Variants in CELF1 observed in about 807,000 individuals in gnomAD.
CELF1 encodes CUGBP Elav-like family member 1, also known as 50 kDa nuclear polyadenylated RNA-binding protein.
Under a neutral mutation model 61.8 loss-of-function variants are expected in CELF1, and 10 were observed. The ratio of observed to expected loss-of-function variants is 0.16; its 90% CI spans 0.10 to 0.27. CELF1 has a LOEUF of 0.27. Ranked by LOEUF, CELF1 falls within the 10% of genes least tolerant of loss-of-function variation. CELF1 has a pLI of 1.00. For synonymous variants in CELF1, 236 were observed against 225.1 expected, an observed-to-expected ratio of 1.05 and a Z score of -0.43; for missense variants, 380 against 639.1, an observed-to-expected ratio of 0.59 and a Z score of 4.37.
rs2077404281 is a variant in CELF1 at position 47,470,299 on chromosome 11, GTTTTC to G, written c.*1926_*1930del. ...TAGCATTTTTTTCTTTTTTTTTTTTGTTTTCTTTTTTCTTTTTTATTTTTATTTTT... is the reference window on the plus strand; with the variant it reads ...TAGCATTTTTTTCTTTTTTTTTTTTGTTTTTTCTTTTTTATTTTTATTTTT... On this transcript the variant is annotated 3_prime_UTR_variant, in exon 15 of 15. Coordinates refer to ENST00000687097, the MANE Select transcript of CELF1 (RefSeq NM_001376376.1). 8 of 135,950 alleles carry G rather than the reference GTTTTC, an allele frequency of 5.9e-5. No homozygotes were observed. Among genetic ancestry groups the G allele is most frequent in the Admixed American group, 1.5e-4 (2 of 13,506 alleles). The allele number at this position is 135,950 out of a possible 1,614,324, so 8.4% of individuals were successfully genotyped here.
At position 47,515,943 on chromosome 11, in the gene CELF1, G is replaced by A. The variant is rs1315992015; in HGVS notation, c.-153-15011C>T. 2.6e-5 allele frequency among the ~76,000 whole-genome samples: 4 copies of A among 151,892 alleles called. No homozygotes were observed. The East Asian group carries it at 7.7e-4, about 29-fold the overall frequency. Reference sequence around the variant, plus strand: ...ACTTATTTATTTTTTTTTAGATAGAGTCTTGCTCTGTCACCCAGGCTAGAG... The same window carrying A: ...ACTTATTTATTTTTTTTTAGATAGAATCTTGCTCTGTCACCCAGGCTAGAG... On this transcript the variant is annotated intron_variant, in intron 1 of 14. Coordinates refer to ENST00000687097, the MANE Select transcript of CELF1 (RefSeq NM_001376376.1).
chr11:47,477,544 A>G lies in CELF1; in HGVS notation c.845-119T>C, dbSNP rs2080821610. 3 of 1,006,060 alleles carry G rather than the reference A, an allele frequency of 3.0e-6. No individual in the cohort carries two copies. In the Admixed American group the frequency reaches 7.4e-5, roughly 25 times the overall value. 62.3% of individuals were successfully genotyped at this position (1,006,060 alleles called of 1,614,324 possible). A position where few individuals can be genotyped will look rare whatever the true frequency, so the allele number is the denominator to read the frequency against. ...CTGACAAAGAGGAACTGTTCTAGAT[A>G]AGCCTTACAAACAACATTACAGGGC... On this transcript the variant is annotated intron_variant, in intron 10 of 14. Transcript: ENST00000687097.
At chr11:47,513,085 A>G (rs139689864) in intron 1 of CELF1, among the ~76,000 whole-genome samples, 3,225 of 152,380 alleles carry the variant, frequency 0.021, 44 homozygotes, top group Non-Finnish European at 0.033. Context: ...AGATTAATCT[A>G]GACTAACACT....
At chr11:47,475,921 C>T (rs952155701) in intron 12 of CELF1, among the ~76,000 whole-genome samples, 8 of 152,150 alleles carry the variant, frequency 5.3e-5, no homozygotes, top group African/African-American at 1.4e-4. Flanking sequence ...AAAACAGCAA[C>T]TAACAGGTAC....
At chr11:47,544,020 T>C (rs532713160) in intron 1 of CELF1, among the ~76,000 whole-genome samples, 1 of 152,274 alleles carries the variant, frequency 6.6e-6, no homozygotes, top group Admixed American at 6.5e-5. Context: ...AAAGTAGAAA[T>C]AGTGAATATG....
intron 1 of CELF1, among the ~76,000 whole-genome samples, chr11:47,516,139 CT>C (rs2095540758): frequency 6.6e-6 from 1 of 150,796 alleles, no homozygotes; most frequent in Non-Finnish European, 1.5e-5. Context: ...AGGAGGTGAA[CT>C]GAAATCATGT....
chr11:47,518,829 T>C (rs564085511), intron 1 of CELF1, among the ~76,000 whole-genome samples: 1 of 152,206 alleles, frequency 6.6e-6, no homozygotes, highest in Admixed American at 6.5e-5. Context: ...ACTTCTATCA[T>C]CTCCAAAATC....
At chr11:47,489,935 G>GTTTTTTTGTTTTTTTTT (rs2090255781) in intron 3 of CELF1, among the ~76,000 whole-genome samples, 1 of 48,236 alleles carries the variant, frequency 2.1e-5, no homozygotes, top group African/African-American at 7.8e-5. Flanking sequence ...ATACCATCTT[G>GTTTTTTTGTTTTTTTTT]TTTTTTTTTT....
chr11:47,532,882 CTTTCT>C (rs1394044575), intron 1 of CELF1, among the ~76,000 whole-genome samples: 1 of 152,114 alleles, frequency 6.6e-6, no homozygotes, highest in Non-Finnish European at 1.5e-5. Context: ...AACCTTTAAA[CTTTCT>C]TTTCTATTTC....
chr11:47,541,724 A>C (rs1464222951), intron 1 of CELF1, among the ~76,000 whole-genome samples: 1,149 of 9,280 alleles, frequency 0.12, 207 homozygotes, highest in African/African-American at 0.22. Flanking sequence ...GAAAGAAAGA[A>C]AGAACGAAAG....
chr11:47,479,981 T>C (rs942615119), intron 9 of CELF1, among the ~76,000 whole-genome samples: 1 of 151,306 alleles, frequency 6.6e-6, no homozygotes, highest in Admixed American at 6.6e-5. Flanking sequence ...AAAAACCAAC[T>C]CCTCCAGGAC....
chr11:47,519,551 T>C (rs2153645266), intron 1 of CELF1, among the ~76,000 whole-genome samples: 1 of 152,172 alleles, frequency 6.6e-6, no homozygotes, highest in Non-Finnish European at 1.5e-5. Context: ...CATGCTTTCA[T>C]CACTCTGCAA....
At chr11:47,540,443 G>T (rs1180607390) in intron 1 of CELF1, among the ~76,000 whole-genome samples, 1 of 152,174 alleles carries the variant, frequency 6.6e-6, no homozygotes, top group Non-Finnish European at 1.5e-5. Context: ...AAATGACTTT[G>T]AACACAAAGC....
intron 6 of CELF1, 82 bp downstream of exon 6, chr11:47,486,668 A>G (rs1266497777): frequency 1.7e-6 from 2 of 1,155,654 alleles, no homozygotes; most frequent in East Asian, 2.3e-5. Flanking sequence ...TTGGCCTCCC[A>G]AAGTGCTGGG....
intron 3 of CELF1, among the ~76,000 whole-genome samples, chr11:47,498,694 T>C (rs1317048582): frequency 2.6e-5 from 4 of 152,198 alleles, no homozygotes; most frequent in Non-Finnish European, 1.5e-5. Context: ...TGTGTCCTTC[T>C]CTACAAAGTC....
intron 6 of CELF1, among the ~76,000 whole-genome samples, chr11:47,485,214 G>A (rs951522880): frequency 3.9e-5 from 6 of 151,994 alleles, no homozygotes; most frequent in Non-Finnish European, 7.4e-5. Context: ...CAAGAGTCTC[G>A]CTGTCACCCA....
chr11:47,483,536 G>T lies in CELF1; in HGVS notation c.527-4C>A. On this transcript the variant is annotated splice_polypyrimidine_tract_variant and splice_region_variant and intron_variant, in intron 7 of 14. Coordinates refer to ENST00000687097, the MANE Select transcript of CELF1 (RefSeq NM_001376376.1). ...GTAAAAGTCACAAATGCACAACCTG[G>T]TAAGAGAAGAGTCAGTAACTCATGC... The T allele has an allele frequency of 6.2e-7, 1 of 1,612,304 alleles. No homozygotes were observed. The highest frequency in any genetic ancestry group is 8.5e-7 in the Non-Finnish European group (1 of 1,178,432).
At chr11:47,554,861 C>T (rs1446535011), upstream of CELF1, among the ~76,000 whole-genome samples, 4 of 152,030 alleles carry the variant, frequency 2.6e-5, no homozygotes, top group Non-Finnish European at 4.4e-5. Context: ...GGGGTTTCAA[C>T]CCCTGTTGGT....
chr11:47,526,044 T>C (rs550428226), intron 1 of CELF1, among the ~76,000 whole-genome samples: 1 of 152,186 alleles, frequency 6.6e-6, no homozygotes, highest in African/African-American at 2.4e-5. Flanking sequence ...TAAGGGCACC[T>C]GCGCACCAGG....
Sources: gnomAD v4.1 joint callset for allele counts (sites outside exome capture counted in the v4.1 genomes callset) on GRCh38, gnomAD v4.1.1 for gene constraint, MANE v1.5 for transcripts, NCBI Gene and HGNC (gene_info 2026-07-23, HGNC 2026-07-21) for gene names.